The following ENOX1 variants were observed in gnomAD, a reference collection of about 807,000 sequenced individuals.
ENOX1 encodes the protein candidate growth-related and time keeping constitutive hydroquinone (NADH) oxidase.
ENOX1 carries 42 observed loss-of-function variants against 82.5 expected under a neutral mutation model. The ratio of observed to expected loss-of-function variants is 0.51; its 90% CI spans 0.40 to 0.66. The LOEUF (loss-of-function observed/expected upper bound fraction) is 0.66, where lower values mean the gene tolerates loss of function less well. Among genes scored for constraint, ENOX1 ranks in the 30% least tolerant of loss-of-function variants. The pLI is 0.00. For missense variants in ENOX1, 608 were observed against 811.6 expected, an observed-to-expected ratio of 0.75 and a Z score of 3.05; for synonymous variants, 271 against 282.2, an observed-to-expected ratio of 0.96 and a Z score of 0.40.
chr13:43,775,113 G>T (rs1423503966), intron 1 of ENOX1, among the ~76,000 whole-genome samples: 1 of 152,096 alleles, frequency 6.6e-6, no homozygotes, highest in Non-Finnish European at 1.5e-5. Flanking sequence ...CTCCCAAAGT[G>T]CTAGGATTAC....
intron 3 of ENOX1, among the ~76,000 whole-genome samples, chr13:43,429,686 T>C (rs1187376441): frequency 6.6e-6 from 1 of 152,126 alleles, no homozygotes; most frequent in Admixed American, 6.6e-5. Flanking sequence ...GAGCAGGCCA[T>C]GTTAGGAAGG....
At chr13:43,575,580 T>C (rs75950422) in intron 2 of ENOX1, among the ~76,000 whole-genome samples, 5,050 of 152,280 alleles carry the variant, frequency 0.033, 281 homozygotes, top group African/African-American at 0.12. Flanking sequence ...TGCCTTCCTG[T>C]TGACCTTAAA....
chr13:43,695,587 A>C (rs923440885), intron 1 of ENOX1, among the ~76,000 whole-genome samples: 1 of 151,662 alleles, frequency 6.6e-6, no homozygotes, highest in Admixed American at 6.6e-5. Flanking sequence ...AGCTGGGACT[A>C]CAGGCATGCA....
At chr13:43,391,803 C>T (rs1358856503) in intron 5 of ENOX1, among the ~76,000 whole-genome samples, 1 of 152,190 alleles carries the variant, frequency 6.6e-6, no homozygotes, top group Admixed American at 6.5e-5. Flanking sequence ...TCCTACCCCA[C>T]TTCCCAAATC....
intron 1 of ENOX1, among the ~76,000 whole-genome samples, chr13:43,675,828 C>T (rs7985113): frequency 0.081 from 12,316 of 152,180 alleles, 715 homozygotes; most frequent in African/African-American, 0.17. Flanking sequence ...AGAACATTCT[C>T]GGATGAGGTA....
At chr13:43,223,822 C>G (rs975014602) in intron 16 of ENOX1, among the ~76,000 whole-genome samples, 1 of 152,174 alleles carries the variant, frequency 6.6e-6, no homozygotes, top group African/African-American at 2.4e-5. Flanking sequence ...AACTTGGCAT[C>G]TGCTAAAAGT....
intron 3 of ENOX1, among the ~76,000 whole-genome samples, chr13:43,464,632 T>C (rs2057639020): frequency 6.6e-6 from 1 of 152,148 alleles, no homozygotes; most frequent in Non-Finnish European, 1.5e-5. Flanking sequence ...GCAAAGATAA[T>C]AGAAAGAGTT....
intron 3 of ENOX1, among the ~76,000 whole-genome samples, chr13:43,442,761 G>A (rs758382453): frequency 1.3e-5 from 2 of 152,112 alleles, no homozygotes; most frequent in Non-Finnish European, 2.9e-5. Flanking sequence ...TGCAAATCAA[G>A]GGTATAATAT....
At chr13:43,582,984 CACAGACAG>C (rs143350846) in intron 2 of ENOX1, among the ~76,000 whole-genome samples, 1 of 145,424 alleles carries the variant, frequency 6.9e-6, no homozygotes, top group Non-Finnish European at 1.5e-5. Flanking sequence ...GACACACATG[CACAGACAG>C]ACAGACAGAC....
intron 1 of ENOX1, among the ~76,000 whole-genome samples, chr13:43,750,855 T>C (rs1327170878): frequency 6.6e-6 from 1 of 152,230 alleles, no homozygotes; most frequent in African/African-American, 2.4e-5. Flanking sequence ...AATTCTCCTC[T>C]TATTTAACTA....
chr13:43,578,223 C>T (rs2080531640), intron 2 of ENOX1, among the ~76,000 whole-genome samples: 1 of 152,100 alleles, frequency 6.6e-6, no homozygotes, highest in Non-Finnish European at 1.5e-5. Context: ...ACAGGATATA[C>T]ATGACAGTGG....
intron 5 of ENOX1, among the ~76,000 whole-genome samples, chr13:43,366,623 G>T (rs922162748): frequency 2.0e-5 from 3 of 152,072 alleles, no homozygotes; most frequent in African/African-American, 7.2e-5. Context: ...CTTCACCAGG[G>T]GAAGGAGAAC....
intron 2 of ENOX1, among the ~76,000 whole-genome samples, chr13:43,592,837 T>C (rs1419287977): frequency 6.6e-6 from 1 of 152,208 alleles, no homozygotes; most frequent in African/African-American, 2.4e-5. Context: ...CATTAGGATC[T>C]GATAAAATCA....
intron 5 of ENOX1, among the ~76,000 whole-genome samples, chr13:43,397,892 T>G (rs563715905): frequency 6.6e-6 from 1 of 152,364 alleles, no homozygotes; most frequent in East Asian, 1.9e-4. Context: ...GCTTATGTTT[T>G]GGAGGCTAAG....
At chr13:43,703,115 A>G (rs924244675) in intron 1 of ENOX1, among the ~76,000 whole-genome samples, 2 of 152,108 alleles carry the variant, frequency 1.3e-5, no homozygotes, top group East Asian at 3.9e-4. Context: ...TCCAAAACAG[A>G]AAGCAATAAA....
chr13:43,643,703 A>C (rs1483094923), intron 2 of ENOX1, among the ~76,000 whole-genome samples: 1 of 151,884 alleles, frequency 6.6e-6, no homozygotes, highest in East Asian at 1.9e-4. Flanking sequence ...ATATACATAA[A>C]TATATATCAA....
intron 2 of ENOX1, among the ~76,000 whole-genome samples, chr13:43,619,709 T>C (rs2082640783): frequency 6.6e-6 from 1 of 152,120 alleles, no homozygotes; most frequent in African/African-American, 2.4e-5. Context: ...GGTCTGTAGT[T>C]TTCTTTTTTG....
intron 11 of ENOX1, among the ~76,000 whole-genome samples, chr13:43,318,063 A>G (rs2047612946): frequency 6.6e-6 from 1 of 152,188 alleles, no homozygotes; most frequent in Non-Finnish European, 1.5e-5. Context: ...AAAAATTGAC[A>G]GCTCAGAAAA....
At chr13:43,450,432 G>A (rs1402364812) in intron 3 of ENOX1, among the ~76,000 whole-genome samples, 2 of 152,150 alleles carry the variant, frequency 1.3e-5, no homozygotes, top group Non-Finnish European at 2.9e-5. Context: ...TCATTGAGAG[G>A]ATAGTTTGTC....
Sources: allele counts gnomAD v4.1 joint callset (sites outside exome capture counted in the v4.1 genomes callset), GRCh38; gene constraint gnomAD v4.1.1; transcripts MANE v1.5; gene names NCBI Gene and HGNC (gene_info 2026-07-23, HGNC 2026-07-21).